The following CDS2 variants were observed in gnomAD, a reference collection of about 807,000 sequenced individuals.
CDS2 encodes the protein phosphatidate cytidylyltransferase 2.
Under a neutral mutation model 59.0 loss-of-function variants are expected in CDS2, and 47 were observed. The ratio of observed to expected loss-of-function variants is 0.80; its 90% CI spans 0.63 to 1.02. The LOEUF (loss-of-function observed/expected upper bound fraction) is 1.02, where lower values mean the gene tolerates loss of function less well. Ranked by LOEUF, CDS2 falls within the 50% of genes least tolerant of loss-of-function variation. The probability of loss-of-function intolerance (pLI) is 0.00; values close to 1 mark genes in which losing one functional copy is unlikely to be tolerated. For missense variants in CDS2, 356 were observed against 558.9 expected, an observed-to-expected ratio of 0.64 and a Z score of 3.66; for synonymous variants, 207 against 206.4, an observed-to-expected ratio of 1.00 and a Z score of -0.02.
chr20:5,166,758 G>C (rs530436773), intron 1 of CDS2, among the ~76,000 whole-genome samples: 1 of 152,290 alleles, frequency 6.6e-6, no homozygotes, highest in South Asian at 2.1e-4. Context: ...GTCCCTGCTG[G>C]GTTTCGTGAC....
rs575507796 is a variant in CDS2, at chr20:5,189,846, A to G, written c.1205+8A>G. 19 of 1,599,536 alleles carry G rather than the reference A, an allele frequency of 1.2e-5. 1 individual carries two copies. In the South Asian group the frequency reaches 1.9e-4, roughly 16 times the overall value. On this transcript the variant is annotated splice_region_variant and intron_variant, in intron 12 of 12. Coordinates refer to ENST00000460006, the MANE Select transcript of CDS2 (RefSeq NM_003818.4). ...CATCGCCAGTTTTATCAGGTATAGT[A>G]CCTTTCCATCTGAACCAAGTTGGTG...
chr20:5,177,259 T>G (rs1812150360), intron 4 of CDS2, among the ~76,000 whole-genome samples: 1 of 152,098 alleles, frequency 6.6e-6, no homozygotes, highest in Non-Finnish European at 1.5e-5. Context: ...TGTTAGGTTC[T>G]GCTGCCGGCT....
At chr20:5,178,793 G>A (rs765060313) in intron 4 of CDS2, 24 bp from the exon 5 acceptor site, 10 of 1,613,850 alleles carry the variant, frequency 6.2e-6, no homozygotes, top group Non-Finnish European at 7.6e-6. Context: ...GCTCCCCACG[G>A]CAATGACCTG....
At chr20:5,144,835 TC>T (rs2122977751) in intron 1 of CDS2, among the ~76,000 whole-genome samples, 1 of 152,272 alleles carries the variant, frequency 6.6e-6, no homozygotes, top group East Asian at 1.9e-4. Flanking sequence ...GTTGGCTTGA[TC>T]CGGTCCTTTC....
chr20:5,183,029 G>T (rs1382960616), intron 6 of CDS2, 32 bp from the exon 7 acceptor site: 1 of 1,571,622 alleles, frequency 6.4e-7, no homozygotes, highest in South Asian at 1.1e-5. Context: ...AGGTAAACTG[G>T]TAAGTAGTGT....
chr20:5,153,192 G>A (rs1163205660), intron 1 of CDS2, among the ~76,000 whole-genome samples: 2 of 152,258 alleles, frequency 1.3e-5, no homozygotes, highest in African/African-American at 4.8e-5. Context: ...TCAGGAAGCA[G>A]TACTTACTGT....
chr20:5,149,120 A>T (rs1319983495), intron 1 of CDS2, among the ~76,000 whole-genome samples: 1 of 152,032 alleles, frequency 6.6e-6, no homozygotes, highest in African/African-American at 2.4e-5. Context: ...AAGCGATCCT[A>T]TGAAATGGTG....
intron 1 of CDS2, among the ~76,000 whole-genome samples, chr20:5,139,644 G>A (rs1460453378): frequency 6.6e-6 from 1 of 152,158 alleles, no homozygotes; most frequent in Non-Finnish European, 1.5e-5. Flanking sequence ...GTGCTTAGAG[G>A]AAGGCTTTCA....
intron 1 of CDS2, among the ~76,000 whole-genome samples, chr20:5,140,138 T>A (rs1240257700): frequency 1.3e-5 from 2 of 152,202 alleles, no homozygotes; most frequent in African/African-American, 2.4e-5. Context: ...TTTTGTCCTT[T>A]ATTCTGTTGA....
In CDS2 at chr20:5,176,653, G is replaced by A; in HGVS notation, c.297G>A (p.Met99Ile). Residue 99 changes from methionine (M) to isoleucine (I), a missense_variant, in exon 4 of 13, where the codon ATG (methionine) becomes ATA (isoleucine). By Grantham distance (10) the Met-to-Ile change is conservative. Around this residue, in one of 5 missense-constraint regions of CDS2, gnomAD observed 107 missense variants for 129.7 expected, o/e 0.82. Coordinates refer to ENST00000460006, the MANE Select transcript of CDS2 (RefSeq NM_003818.4). ...GAATGTTTTGTGTCCCGCAGGTGAT[G>A]TGCGTTCAGATTAAGTGTTTCCATG... ...LGPMVLMIIV[M>I]CVQIKCFHEI... 1 of 1,613,074 alleles carries A rather than the reference G, an allele frequency of 6.2e-7. No homozygotes were observed. The highest frequency in any genetic ancestry group is 8.5e-7 in the Non-Finnish European group (1 of 1,179,018).
chr20:5,148,384 T>C (rs1275020800), intron 1 of CDS2, among the ~76,000 whole-genome samples: 1 of 152,170 alleles, frequency 6.6e-6, no homozygotes, highest in Non-Finnish European at 1.5e-5. Flanking sequence ...TGCAGTTTAG[T>C]AGACAGTCTT....
At chr20:5,127,996 T>G (rs2122931219) in intron 1 of CDS2, among the ~76,000 whole-genome samples, 1 of 152,214 alleles carries the variant, frequency 6.6e-6, no homozygotes, top group East Asian at 1.9e-4. Flanking sequence ...GACAGTGATG[T>G]GTAGAAGGGA....
intron 1 of CDS2, among the ~76,000 whole-genome samples, chr20:5,168,010 G>C (rs1486930584): frequency 6.6e-6 from 1 of 152,074 alleles, no homozygotes; most frequent in Non-Finnish European, 1.5e-5. Flanking sequence ...CTGAATGATG[G>C]TACTGCTTAT....
At chr20:5,190,060 C>T in intron 12 of CDS2, 42 bp from the exon 13 acceptor site, 1 of 1,603,824 alleles carries the variant, frequency 6.2e-7, no homozygotes, top group Non-Finnish European at 8.5e-7. Flanking sequence ...CTGGAAGCTT[C>T]CGGGCCCTAG....
chr20:5,191,586 T>C lies in CDS2; in HGVS notation c.*1352T>C, dbSNP rs973908304. 2 of 152,222 alleles carry C rather than the reference T, an allele frequency of 1.3e-5. No homozygotes were observed. Among genetic ancestry groups the C allele is most frequent in the African/African-American group, 4.8e-5 (2 of 41,426 alleles). The allele number at this position is 152,222 out of a possible 1,614,324, so 9.4% of individuals were successfully genotyped here. ...TGCCAACGAGGGTGTAATGATTTGCTTCTGCACCTTGGTCTAGTGCTGGTT... is the reference window on the plus strand; with the variant it reads ...TGCCAACGAGGGTGTAATGATTTGCCTCTGCACCTTGGTCTAGTGCTGGTT... On this transcript the variant is annotated 3_prime_UTR_variant, in exon 13 of 13. Transcript: ENST00000460006.
chr20:5,187,742 G>A (rs904230813), intron 10 of CDS2: 5 of 152,000 alleles, frequency 3.3e-5, no homozygotes, highest in Non-Finnish European at 4.4e-5. Context: ...AATATAGCTG[G>A]GGATGGTGGC....
intron 1 of CDS2, among the ~76,000 whole-genome samples, chr20:5,136,327 T>TTCAAAATCTG (rs2090649774): frequency 6.6e-6 from 1 of 152,164 alleles, no homozygotes; most frequent in Admixed American, 6.5e-5. Context: ...CCCAGATGAC[T>TTCAAAATCTG]CGGTTACTCA....
intron 5 of CDS2, among the ~76,000 whole-genome samples, chr20:5,182,183 C>T (rs2091037171): frequency 6.6e-6 from 1 of 152,156 alleles, no homozygotes; most frequent in Non-Finnish European, 1.5e-5. Context: ...TAAAATATTG[C>T]CTTCCTTTTA....
intron 10 of CDS2, among the ~76,000 whole-genome samples, chr20:5,188,845 C>T (rs946162294): frequency 1.2e-4 from 19 of 152,226 alleles, no homozygotes; most frequent in Non-Finnish European, 2.4e-4. Flanking sequence ...CCCATTCCCT[C>T]GGGATGCCAG....
Sources: allele counts gnomAD v4.1 joint callset (sites outside exome capture counted in the v4.1 genomes callset), GRCh38; gene constraint gnomAD v4.1.1; regional missense constraint gnomAD v4.1.1; transcripts MANE v1.5; gene names NCBI Gene and HGNC (gene_info 2026-07-23, HGNC 2026-07-21).